Variants in FRAS1 observed in about 807,000 individuals in gnomAD.
FRAS1 encodes the protein extracellular matrix organizing protein FRAS1.
Under a neutral mutation model 435.2 loss-of-function variants are expected in FRAS1, and 290 were observed. The observed-to-expected ratio is 0.67, with a 90% CI of 0.61 to 0.73. The LOEUF (loss-of-function observed/expected upper bound fraction) is 0.73, where lower values mean the gene tolerates loss of function less well. Among genes scored for constraint, FRAS1 ranks in the 30% least tolerant of loss-of-function variants. The pLI is 0.00. For missense variants in FRAS1, 4,860 were observed against 5,001.5 expected (o/e 0.97, Z 0.85); for synonymous variants, 1,800 against 1,851.0 (o/e 0.97, Z 0.71).
At chr4:78,503,830 C>T (rs1720750721) in intron 61 of FRAS1, among the ~76,000 whole-genome samples, 1 of 152,150 alleles carries the variant, frequency 6.6e-6, no homozygotes, top group African/African-American at 2.4e-5. Flanking sequence ...TAGATCTCTC[C>T]TGCTTTCTCT....
chr4:78,403,432 G>A (rs950318257), intron 30 of FRAS1, among the ~76,000 whole-genome samples: 5 of 151,944 alleles, frequency 3.3e-5, no homozygotes, highest in Non-Finnish European at 4.4e-5. Context: ...ATCAAATCAC[G>A]TTACCTAGAA....
intron 12 of FRAS1, 133 bp from the exon 13 acceptor site, chr4:78,284,272 C>G: frequency 4.9e-6 from 1 of 205,992 alleles, no homozygotes; most frequent in Non-Finnish European, 8.9e-6. Context: ...GAGGCTTTTT[C>G]CTAAGTCCCA....
intron 2 of FRAS1, among the ~76,000 whole-genome samples, chr4:78,141,180 T>C (rs1270847835): frequency 6.6e-6 from 1 of 152,174 alleles, no homozygotes; most frequent in Non-Finnish European, 1.5e-5. Context: ...TTTCTCCTAA[T>C]GCTATCTCTC....
At chr4:78,469,029 A>G (rs1425053641) in intron 50 of FRAS1, among the ~76,000 whole-genome samples, 1 of 152,212 alleles carries the variant, frequency 6.6e-6, no homozygotes, top group African/African-American at 2.4e-5. Flanking sequence ...GTGTCTGCAC[A>G]GCATCACCAC....
Position 78,245,253 on chromosome 4 carries a change from T to A in FRAS1, c.237T>A (p.Ala79=), listed in dbSNP as rs370345916. 3 of 1,607,890 alleles carry A rather than the reference T, an allele frequency of 1.9e-6. No individual in the cohort carries two copies. The highest frequency in any genetic ancestry group is 1.3e-5 in the African/African-American group (1 of 74,836). The change falls in exon 4 of 74, where the codon GCT becomes GCA. Residue 79 remains alanine (A), a synonymous_variant. Coordinates refer to ENST00000512123, the MANE Select transcript of FRAS1 (RefSeq NM_025074.7). The part of the protein sequence containing the change: ...AFEKGEVLQI[A]ANQCCPECVL... ...CTCAGGGAGAAGTGCTTCAAATAGC[T>A]GCCAACCAATGCTGTCCTGAGTGTG...
chr4:78,534,649 C>G, intron 71 of FRAS1, 34 bp downstream of exon 71: 1 of 1,602,528 alleles, frequency 6.2e-7, no homozygotes, highest in Admixed American at 1.7e-5. Flanking sequence ...GAAAGAGGCT[C>G]TGCCTGGATA....
intron 47 of FRAS1, among the ~76,000 whole-genome samples, chr4:78,462,064 G>A (rs899740310): frequency 6.6e-6 from 1 of 152,098 alleles, no homozygotes; most frequent in Non-Finnish European, 1.5e-5. Flanking sequence ...GTGTACCAAA[G>A]CTTATGAAAT....
chr4:78,079,931 T>C (rs367982316), intron 2 of FRAS1, among the ~76,000 whole-genome samples: 1 of 152,116 alleles, frequency 6.6e-6, no homozygotes, highest in Non-Finnish European at 1.5e-5. Flanking sequence ...CAAGGATAAA[T>C]AGACATTTGG....
rs34910696 is a variant in FRAS1 at position 78,070,255 on chromosome 4, G to GTATA, written c.108+4256_108+4259dup. 1.5e-4 allele frequency among the ~76,000 whole-genome samples: 23 copies of GTATA among 148,686 alleles called. 1 individual carries two copies. Among genetic ancestry groups the GTATA allele is most frequent in the Admixed American group, 1.0e-3 (15 of 14,846 alleles). On this transcript the variant is annotated intron_variant, in intron 2 of 73. Coordinates refer to ENST00000512123, the MANE Select transcript of FRAS1 (RefSeq NM_025074.7). ...TATATGTGTATATATGTATATAAGT[G>GTATA]TATATATATATATATATATACCTCC...
In FRAS1 at chr4:78,284,717, T is replaced by C. The variant is rs17003101; in HGVS notation, c.1399+169T>C. 6.7e-4 allele frequency among the ~76,000 whole-genome samples: 102 copies of C among 152,336 alleles called. 1 individual carries two copies. The highest frequency in any genetic ancestry group is 2.3e-3 in the African/African-American group (94 of 41,570). On this transcript the variant is annotated intron_variant, in intron 13 of 73. Coordinates refer to ENST00000512123, the MANE Select transcript of FRAS1 (RefSeq NM_025074.7). ...ACCTCTAGAAGGTAGTAATGTCATC[T>C]ATAGGTTACTTGCCCTCTCTACCTG...
In FRAS1 at chr4:78,488,910, G is replaced by A. The variant is rs752444155; in HGVS notation, c.8788G>A (p.Val2930Met). The change falls in exon 59 of 74, where the codon GTG becomes ATG. Residue 2930 changes from valine to methionine, a missense_variant. Physicochemically the swap from Val to Met is conservative, Grantham distance 21 (BLOSUM62 1). Coordinates refer to ENST00000512123, the MANE Select transcript of FRAS1 (RefSeq NM_025074.7). ...GCAGTTTGCCAAGGATTTGCTCCTA[G>A]TGAAGGAGAAGGAGGGTGTCCTGCA... is the stretch of plus-strand genomic sequence containing the variant. ...SMQFAKDLLL[V>M]KEKEGVLHVP... is the part of the protein sequence containing the mutation. 7 of 1,613,074 alleles carry A rather than the reference G, an allele frequency of 4.3e-6. No homozygotes were observed. Among genetic ancestry groups the A allele is most frequent in the African/African-American group, 4.0e-5 (3 of 74,916 alleles).
chr4:78,252,484 A>G lies in FRAS1; in HGVS notation c.402A>G (p.Ser134=), dbSNP rs1337399919. ...CCCCCCAACCATGCCCACCGCTGTC[A>G]TGTGGACACCAGGAGCTGGCATTCA... ...RCTPQPCPPL[S]CGHQELAFIP... is the part of the protein sequence containing the mutation. The change falls in exon 5 of 74, where the codon TCA becomes TCG. Residue 134 remains serine, a synonymous_variant. Transcript: ENST00000512123. 1.9e-6 allele frequency: 3 copies of G among 1,613,548 alleles called. No homozygotes were observed. The highest frequency in any genetic ancestry group is 2.5e-6 in the Non-Finnish European group (3 of 1,179,822).
At position 78,081,842 on chromosome 4, in the gene FRAS1, A is replaced by G. The variant is rs542251190; in HGVS notation, c.108+15826A>G. On this transcript the variant is annotated intron_variant, in intron 2 of 73. Transcript: ENST00000512123. ...TTCTTTCCTCCTCCCTCCTTTCTCA[A>G]AGAACCCTGGTTTGTTTTTTGGCAT... Among the ~76,000 whole-genome samples, 151 of 152,224 alleles carry G rather than the reference A, an allele frequency of 9.9e-4. 1 individual carries two copies. Among genetic ancestry groups the G allele is most frequent in the Non-Finnish European group, 1.9e-3 (132 of 68,000 alleles).
At chr4:78,292,816 A>T (rs1357748011) in intron 14 of FRAS1, among the ~76,000 whole-genome samples, 1 of 152,202 alleles carries the variant, frequency 6.6e-6, no homozygotes, top group Non-Finnish European at 1.5e-5. Flanking sequence ...TTGCCGGGTC[A>T]CATACTCAGT....
intron 2 of FRAS1, among the ~76,000 whole-genome samples, chr4:78,117,020 G>A (rs1336626182): frequency 6.6e-6 from 1 of 152,180 alleles, no homozygotes; most frequent in Non-Finnish European, 1.5e-5. Context: ...TTTTAGGGCA[G>A]GCCTGGTGGC....
chr4:78,087,607 C>T lies in FRAS1; in HGVS notation c.108+21591C>T, dbSNP rs568845565. On this transcript the variant is annotated intron_variant, in intron 2 of 73. Coordinates refer to ENST00000512123, the MANE Select transcript of FRAS1 (RefSeq NM_025074.7). ...GGATACAAAACCAATGTACAAAAATCACAAGCATTCTTATACACCAATAAC... is the reference window on the plus strand; with the variant it reads ...GGATACAAAACCAATGTACAAAAATTACAAGCATTCTTATACACCAATAAC... Among the ~76,000 whole-genome samples the T allele has an allele frequency of 1.2e-4, 18 of 152,252 alleles. No individual in the cohort carries two copies. The Middle Eastern group carries it at 0.01, about 86-fold the overall frequency.
chr4:78,255,965 T>C (rs1301888822), intron 6 of FRAS1, among the ~76,000 whole-genome samples: 1 of 152,232 alleles, frequency 6.6e-6, no homozygotes, highest in Admixed American at 6.5e-5. Flanking sequence ...TGGTATTTTA[T>C]ATTATAGTTT....
chr4:78,328,849 T>G (rs1471920594), intron 18 of FRAS1, among the ~76,000 whole-genome samples: 1 of 152,200 alleles, frequency 6.6e-6, no homozygotes, highest in Non-Finnish European at 1.5e-5. Flanking sequence ...ACTTATTTTA[T>G]TTCTTATCAG....
At chr4:78,126,125 G>C (rs965619480) in intron 2 of FRAS1, among the ~76,000 whole-genome samples, 3 of 152,180 alleles carry the variant, frequency 2.0e-5, no homozygotes, top group African/African-American at 7.2e-5. Context: ...CCCTCTGCCT[G>C]CCAAGCTCCA....
Sources: gnomAD v4.1 joint callset for allele counts (sites outside exome capture counted in the v4.1 genomes callset) on GRCh38, gnomAD v4.1.1 for gene constraint, MANE v1.5 for transcripts, NCBI Gene and HGNC (gene_info 2026-07-23, HGNC 2026-07-21) for gene names.